Variants in BOD1L1 observed in about 807,000 individuals in gnomAD.
BOD1L1 encodes biorientation of chromosomes in cell division protein 1-like 1.
In BOD1L1, 86 loss-of-function variants were observed where a neutral mutation model predicts 240.7. That is an observed-to-expected ratio of 0.36 (90% CI 0.30 to 0.43). BOD1L1 has a LOEUF of 0.43. Ranked by LOEUF, BOD1L1 falls within the 20% of genes least tolerant of loss-of-function variation. The probability of loss-of-function intolerance (pLI) is 1.00; values close to 1 mark genes in which losing one functional copy is unlikely to be tolerated. For missense variants in BOD1L1, 3,554 were observed against 3,643.5 expected, an observed-to-expected ratio of 0.98 and a Z score of 0.63; for synonymous variants, 1,268 against 1,272.3, an observed-to-expected ratio of 1.00 and a Z score of 0.07.
At position 13,601,081 on chromosome 4, in the gene BOD1L1, C is replaced by T. The variant is rs753363965; in HGVS notation, c.5819G>A (p.Gly1940Glu). 5 of 1,613,938 alleles carry T rather than the reference C, an allele frequency of 3.1e-6. No homozygotes were observed. The East Asian group carries it at 1.1e-4, about 36-fold the overall frequency. ...GGAGCAGATATCTGTGTCTTTACTT[C>T]CTTTCTCTGTGCCACTCATGCTGTC... ...NVDSMSGTEK[G>E]SKDTDICSSA... is the part of the protein sequence containing the mutation. The change falls in exon 10 of 26, where the codon GGA (glycine) becomes GAA (glutamate). Residue 1940 changes from glycine (G) to glutamate (E), a missense_variant. Around this residue, in one of 2 missense-constraint regions of BOD1L1, gnomAD observed 3,393 missense variants for 3,427.1 expected, o/e 0.99. Transcript: ENST00000040738.
chr4:13,617,508 T>C (rs566250972), intron 2 of BOD1L1, among the ~76,000 whole-genome samples: 4 of 152,210 alleles, frequency 2.6e-5, no homozygotes, highest in Non-Finnish European at 5.9e-5. Flanking sequence ...GCTACAGCCC[T>C]AGGTCAACGG....
At chr4:13,587,961 G>A (rs546151319) in intron 15 of BOD1L1, among the ~76,000 whole-genome samples, 190 bp from the exon 16 acceptor site, 3 of 152,184 alleles carry the variant, frequency 2.0e-5, no homozygotes, top group South Asian at 2.1e-4. Flanking sequence ...CCAGGTGGGC[G>A]GATCACGAGG....
At chr4:13,594,146 T>C (rs1714426779) in intron 12 of BOD1L1, among the ~76,000 whole-genome samples, 1 of 152,186 alleles carries the variant, frequency 6.6e-6, no homozygotes, top group Non-Finnish European at 1.5e-5. Context: ...CCTGAATTTT[T>C]CAGTTTTGTG....
rs1261275642 is a variant in BOD1L1 at position 13,602,884 on chromosome 4, T to C, written c.4016A>G (p.Lys1339Arg). The change falls in exon 10 of 26, where the codon AAG becomes AGG. Residue 1339 changes from lysine (K) to arginine (R), a missense_variant. By Grantham distance (26) the Lys-to-Arg change is conservative. Transcript: ENST00000040738. ...ACCACCTTCTTTGCTGTCACTTGTCTTAAGGACTTCTGATTCCCTAACAGT... is the reference window on the plus strand; with the variant it reads ...ACCACCTTCTTTGCTGTCACTTGTCCTAAGGACTTCTGATTCCCTAACAGT... ...SLTVRESEVLKTSDSKEGGEG... is the reference protein window; with the variant it reads ...SLTVRESEVLRTSDSKEGGEG... The C allele has an allele frequency of 6.2e-7, 1 of 1,613,906 alleles. No individual in the cohort carries two copies. The highest frequency in any genetic ancestry group is 1.3e-5 in the African/African-American group (1 of 74,948).
rs774727008 is a variant in BOD1L1 at position 13,601,158 on chromosome 4, A to G, written c.5742T>C (p.His1914=). The G allele has an allele frequency of 3.1e-6, 5 of 1,613,994 alleles. No homozygotes were observed. The Admixed American group carries it at 8.3e-5, about 27-fold the overall frequency. ...TGGCAGCTCCAGCCTCAGCTTCCAC[A>G]TGCTCTACCACAGTACCAATCTGAC... ...GDSQIGTVVE[H]VEAEAGAAIM... The change falls in exon 10 of 26, where the codon CAT becomes CAC. Residue 1914 remains histidine, a synonymous_variant. Coordinates refer to ENST00000040738, the MANE Select transcript of BOD1L1 (RefSeq NM_148894.3).
At chr4:13,605,157 G>T in intron 9 of BOD1L1, 73 bp from the exon 10 acceptor site, 2 of 1,275,550 alleles carry the variant, frequency 1.6e-6, no homozygotes, top group Non-Finnish European at 2.1e-6. Flanking sequence ...ACATTTGGGT[G>T]GATTTAATAT....
intron 19 of BOD1L1, among the ~76,000 whole-genome samples, 199 bp downstream of exon 19, chr4:13,582,038 G>T (rs1214440275): frequency 6.6e-6 from 1 of 152,068 alleles, no homozygotes; most frequent in African/African-American, 2.4e-5. Flanking sequence ...ATGTTTTGAA[G>T]AAACAAAGAT....
At chr4:13,620,338 G>A (rs1716953188) in intron 1 of BOD1L1, among the ~76,000 whole-genome samples, 1 of 152,168 alleles carries the variant, frequency 6.6e-6, no homozygotes, top group African/African-American at 2.4e-5. Flanking sequence ...AGATGATTTG[G>A]AGTAAAAAAG....
Position 13,604,000 on chromosome 4 carries a change from T to G in BOD1L1, c.2900A>C (p.Glu967Ala), listed in dbSNP as rs547135437. The G allele has an allele frequency of 2.5e-6, 4 of 1,613,926 alleles. No individual in the cohort carries two copies. Among genetic ancestry groups the G allele is most frequent in the South Asian group, 2.2e-5 (2 of 91,078 alleles). Reference protein sequence around the residue: ...KSKVEDKPFEETGVEPVLETA... With the variant: ...KSKVEDKPFEATGVEPVLETA... Reference sequence around the variant, plus strand: ...CTCTAATACAGGTTCAACACCAGTTTCTTCAAAAGGTTTGTCTTCAACTTT... The same window carrying G: ...CTCTAATACAGGTTCAACACCAGTTGCTTCAAAAGGTTTGTCTTCAACTTT... Residue 967 changes from glutamate to alanine, a missense_variant, in exon 10 of 26, where the codon GAA (glutamate) becomes GCA (alanine). This residue lies in a region of BOD1L1 where 3,393 missense variants were observed against 3,427.1 expected (regional missense o/e 0.99). Coordinates refer to ENST00000040738, the MANE Select transcript of BOD1L1 (RefSeq NM_148894.3).
In BOD1L1 at chr4:13,586,424, C is replaced by T; in HGVS notation, c.8405G>A (p.Cys2802Tyr). The T allele has an allele frequency of 1.2e-6, 2 of 1,612,292 alleles. No homozygotes were observed. The highest frequency in any genetic ancestry group is 1.1e-5 in the South Asian group (1 of 90,694). ...DSRIETAQRQ[C>Y]PETEPHDTKE... ...TGTGTCATGTGGCTCCGTTTCAGGACACTGCCTTTGTGCTGTTTCTATTCT... is the reference window on the plus strand; with the variant it reads ...TGTGTCATGTGGCTCCGTTTCAGGATACTGCCTTTGTGCTGTTTCTATTCT... Residue 2802 changes from cysteine to tyrosine, a missense_variant, in exon 17 of 26, where the codon TGT becomes TAT. Physicochemically the swap from Cys to Tyr is radical, Grantham distance 194. Coordinates refer to ENST00000040738, the MANE Select transcript of BOD1L1 (RefSeq NM_148894.3).
At chr4:13,584,708 C>A (rs1713534223) in intron 17 of BOD1L1, among the ~76,000 whole-genome samples, 2 of 152,130 alleles carry the variant, frequency 1.3e-5, no homozygotes, top group African/African-American at 4.8e-5. Flanking sequence ...ACGCAACTCA[C>A]TTTTTATTTC....
chr4:13,601,724 T>C lies in BOD1L1; in HGVS notation c.5176A>G (p.Thr1726Ala). The change falls in exon 10 of 26, where the codon ACT becomes GCT. Residue 1726 changes from threonine to alanine, a missense_variant. Coordinates refer to ENST00000040738, the MANE Select transcript of BOD1L1 (RefSeq NM_148894.3). ...RMGPKKETEG[T>A]VTCTGAEGRS... is the part of the protein sequence containing the mutation. ...CCTTCTGCTCCTGTACATGTCACAG[T>C]GCCCTCTGTTTCTTTTTTGGGACCC... The C allele has an allele frequency of 1.2e-6, 2 of 1,613,982 alleles. No homozygotes were observed. Among genetic ancestry groups the C allele is most frequent in the South Asian group, 1.1e-5 (1 of 91,070 alleles).
In BOD1L1 at chr4:13,611,106, A is replaced by G; in HGVS notation, c.1325-6T>C. ...CTGTTTGTTCTTCTCTTCATCTGTAAGAAAGTTAATAGAAAGAGGAGTATG... is the reference window on the plus strand; with the variant it reads ...CTGTTTGTTCTTCTCTTCATCTGTAGGAAAGTTAATAGAAAGAGGAGTATG... On this transcript the variant is annotated splice_region_variant and splice_polypyrimidine_tract_variant and intron_variant, in intron 5 of 25. Coordinates refer to ENST00000040738, the MANE Select transcript of BOD1L1 (RefSeq NM_148894.3). 1 of 1,582,908 alleles carries G rather than the reference A, an allele frequency of 6.3e-7. No homozygotes were observed. The highest frequency in any genetic ancestry group is 1.7e-5 in the Admixed American group (1 of 57,554).
chr4:13,586,143 A>G (rs1713666506), intron 17 of BOD1L1, among the ~76,000 whole-genome samples: 1 of 152,236 alleles, frequency 6.6e-6, no homozygotes, highest in South Asian at 2.1e-4. Flanking sequence ...ACTACTGAAC[A>G]AAAACCTAAG....
At chr4:13,617,047 C>T (rs1453894148) in intron 2 of BOD1L1, among the ~76,000 whole-genome samples, 4 of 152,040 alleles carry the variant, frequency 2.6e-5, no homozygotes, top group African/African-American at 9.7e-5. Context: ...GAGATCGAGA[C>T]CATCCTGGCC....
At position 13,603,848 on chromosome 4, in the gene BOD1L1, C is replaced by T; in HGVS notation, c.3052G>A (p.Asp1018Asn). 7 of 1,613,402 alleles carry T rather than the reference C, an allele frequency of 4.3e-6. No individual in the cohort carries two copies. The highest frequency in any genetic ancestry group is 5.1e-6 in the Non-Finnish European group (6 of 1,179,854). Residue 1018 changes from aspartate to asparagine, a missense_variant, in exon 10 of 26, where the codon GAT (aspartate) becomes AAT (asparagine). Asp to Asn is a conservative substitution (Grantham distance 23, BLOSUM62 1). Around this residue, in one of 2 missense-constraint regions of BOD1L1, gnomAD observed 3,393 missense variants for 3,427.1 expected, o/e 0.99. Coordinates refer to ENST00000040738, the MANE Select transcript of BOD1L1 (RefSeq NM_148894.3). Reference sequence around the variant, plus strand: ...TTTAAGCTTCTGCTTTTGTGGCCATCTGACAACTTTCTCTCAAGCCTGGTG... The same window carrying T: ...TTTAAGCTTCTGCTTTTGTGGCCATTTGACAACTTTCTCTCAAGCCTGGTG... ...TSTRLERKLS[D>N]GHKSRSLKHS... is the part of the protein sequence containing the mutation.
intron 22 of BOD1L1, 45 bp from the exon 23 acceptor site, chr4:13,577,676 A>C (rs1560179181): frequency 1.4e-6 from 2 of 1,418,936 alleles, no homozygotes; most frequent in Middle Eastern, 2.5e-4. Flanking sequence ...TATTACTGTA[A>C]ATTTAAATTT....
intron 2 of BOD1L1, among the ~76,000 whole-genome samples, chr4:13,618,438 T>C (rs570930244): frequency 3.3e-4 from 50 of 152,344 alleles, no homozygotes; most frequent in African/African-American, 1.1e-3. Context: ...ATTGTTCTCT[T>C]TGAAAGCCTT....
In BOD1L1 at chr4:13,604,516, T is replaced by G. The variant is rs564664460; in HGVS notation, c.2384A>C (p.Asn795Thr). The change falls in exon 10 of 26, where the codon AAT becomes ACT. Residue 795 changes from asparagine (N) to threonine (T), a missense_variant. Physicochemically the swap from Asn to Thr is moderately conservative, Grantham distance 65 (BLOSUM62 0). Coordinates refer to ENST00000040738, the MANE Select transcript of BOD1L1 (RefSeq NM_148894.3). ...DKTERKSKHR[N>T]ERKLSVLGKD... The stretch of plus-strand genomic sequence containing the variant: ...GCCTAATACTGATAATTTCCTTTCA[T>G]TCCTATGTTTACTTTTTCGTTCGGT... 1.3e-6 allele frequency: 2 copies of G among 1,531,292 alleles called. No individual in the cohort carries two copies. The highest frequency in any genetic ancestry group is 1.7e-6 in the Non-Finnish European group (2 of 1,146,944). 94.9% of individuals were successfully genotyped at this position (1,531,292 alleles called of 1,614,324 possible).
Sources: gnomAD v4.1 joint callset for allele counts (sites outside exome capture counted in the v4.1 genomes callset) on GRCh38, gnomAD v4.1.1 for gene constraint, gnomAD v4.1.1 regional missense constraint, MANE v1.5 for transcripts, NCBI Gene and HGNC (gene_info 2026-07-23, HGNC 2026-07-21) for gene names.